PPM1L: variants seen among roughly 807,000 people sequenced by gnomAD.
PPM1L encodes protein phosphatase, Mg2+/Mn2+ dependent 1L.
Under a neutral mutation model 31.4 loss-of-function variants are expected in PPM1L, and 13 were observed. That is an observed-to-expected ratio of 0.41 (90% CI 0.27 to 0.66). The LOEUF is 0.66. Among genes scored for constraint, PPM1L ranks in the 30% least tolerant of loss-of-function variants. PPM1L has a pLI of 0.29. For synonymous variants in PPM1L, 184 were observed against 175.4 expected (o/e 1.05, Z -0.39); for missense variants, 326 against 453.7 (o/e 0.72, Z 2.56).
chr3:160,781,355 A>T (rs1397467390), intron 1 of PPM1L, among the ~76,000 whole-genome samples: 1 of 152,126 alleles, frequency 6.6e-6, no homozygotes, highest in Middle Eastern at 3.2e-3. Flanking sequence ...AGTCCTGCAG[A>T]TTGTTACATT....
intron 2 of PPM1L, among the ~76,000 whole-genome samples, chr3:161,045,362 T>C (rs978666391): frequency 6.6e-6 from 1 of 152,258 alleles, no homozygotes; most frequent in East Asian, 1.9e-4. Context: ...ATTGACCACA[T>C]AGTTGGAAGT....
chr3:160,903,853 TATATA>T (rs1713651402), intron 1 of PPM1L, among the ~76,000 whole-genome samples: 1 of 152,174 alleles, frequency 6.6e-6, no homozygotes, highest in South Asian at 2.1e-4. Context: ...TATGGATAGA[TATATA>T]ATACTGTAAA....
intron 1 of PPM1L, among the ~76,000 whole-genome samples, chr3:160,760,385 A>G (rs1247068942): frequency 6.6e-6 from 1 of 152,172 alleles, no homozygotes. Flanking sequence ...TGGACTTTTT[A>G]TGCTGAGGAC....
At chr3:161,066,412 A>G (rs1436629265) in intron 3 of PPM1L, among the ~76,000 whole-genome samples, 1 of 152,182 alleles carries the variant, frequency 6.6e-6, no homozygotes, top group Non-Finnish European at 1.5e-5. Flanking sequence ...AGTCATTCAT[A>G]TAGTATATTA....
Position 161,069,545 on chromosome 3 carries a change from A to G in PPM1L, c.*388A>G, listed in dbSNP as rs910573639. 2 of 203,600 alleles carry G rather than the reference A, an allele frequency of 9.8e-6. No homozygotes were observed. Among genetic ancestry groups the G allele is most frequent in the South Asian group, 1.6e-4 (2 of 12,356 alleles). 12.6% of individuals were successfully genotyped at this position (203,600 alleles called of 1,614,324 possible). On this transcript the variant is annotated 3_prime_UTR_variant, in exon 4 of 4. Coordinates refer to ENST00000498165, the MANE Select transcript of PPM1L (RefSeq NM_139245.4). ...CTCTCTTTGTAACAGTGGACAGGAC[A>G]GACCACCCAGTGCTGCAGGAGACAG...
At position 160,953,182 on chromosome 3, in the gene PPM1L, C is replaced by A. The variant is rs113994499; in HGVS notation, c.400-8554C>A. 6.4e-3 allele frequency among the ~76,000 whole-genome samples: 976 copies of A among 152,200 alleles called. 10 individuals are homozygous for A. The highest frequency in any genetic ancestry group is 0.022 in the African/African-American group (930 of 41,522). On this transcript the variant is annotated intron_variant, in intron 1 of 3. Transcript: ENST00000498165. ...CCAACATTTACAACATACTTCATTACAAAGTTAATGATAAATCCATTTCTT... is the reference window on the plus strand; with the variant it reads ...CCAACATTTACAACATACTTCATTAAAAAGTTAATGATAAATCCATTTCTT...
intron 2 of PPM1L, among the ~76,000 whole-genome samples, chr3:161,032,312 G>A (rs1297297953): frequency 6.6e-6 from 1 of 152,122 alleles, no homozygotes; most frequent in Non-Finnish European, 1.5e-5. Flanking sequence ...AATAATTTGT[G>A]AATACTCAAA....
At chr3:160,909,057 C>G (rs775261441) in intron 1 of PPM1L, among the ~76,000 whole-genome samples, 1 of 152,140 alleles carries the variant, frequency 6.6e-6, no homozygotes, top group Non-Finnish European at 1.5e-5. Context: ...CAAGAGAGAA[C>G]AGGGCTAAAT....
intron 1 of PPM1L, among the ~76,000 whole-genome samples, chr3:160,853,959 A>G (rs531246082): frequency 6.6e-6 from 1 of 152,276 alleles, no homozygotes; most frequent in African/African-American, 2.4e-5. Flanking sequence ...TCCCTACACA[A>G]GTAGGTACTT....
intron 1 of PPM1L, among the ~76,000 whole-genome samples, chr3:160,879,246 G>T (rs1434623313): frequency 6.6e-6 from 1 of 152,042 alleles, no homozygotes; most frequent in Non-Finnish European, 1.5e-5. Context: ...AAGTCACCAA[G>T]CATTTGGGGG....
chr3:160,915,343 A>C (rs1263549664), intron 1 of PPM1L, among the ~76,000 whole-genome samples: 1 of 152,172 alleles, frequency 6.6e-6, no homozygotes, highest in Non-Finnish European at 1.5e-5. Flanking sequence ...TAGGAATCCA[A>C]CTTACAAGGG....
chr3:160,945,871 A>G (rs1044359740), intron 1 of PPM1L, among the ~76,000 whole-genome samples: 2 of 151,992 alleles, frequency 1.3e-5, no homozygotes, highest in Non-Finnish European at 2.9e-5. Context: ...TTTCCTTATG[A>G]TTTTCTTAAT....
At chr3:161,008,508 G>A (rs949398460) in intron 2 of PPM1L, among the ~76,000 whole-genome samples, 8 of 152,190 alleles carry the variant, frequency 5.3e-5, no homozygotes, top group African/African-American at 1.9e-4. Context: ...GGACATTTAT[G>A]TGCCTTTTCT....
intron 1 of PPM1L, among the ~76,000 whole-genome samples, chr3:160,787,889 A>G (rs1373299339): frequency 1.3e-5 from 2 of 151,858 alleles, no homozygotes; most frequent in Admixed American, 1.3e-4. Flanking sequence ...CTCATTGCTT[A>G]TGATTGTTGG....
At chr3:160,935,924 G>A (rs1344900748) in intron 1 of PPM1L, among the ~76,000 whole-genome samples, 1 of 152,138 alleles carries the variant, frequency 6.6e-6, no homozygotes, top group East Asian at 1.9e-4. Flanking sequence ...TGGTCTCTCA[G>A]GCCTGCATCT....
chr3:160,774,612 A>T (rs574585043), intron 1 of PPM1L, among the ~76,000 whole-genome samples: 1 of 152,210 alleles, frequency 6.6e-6, no homozygotes, highest in Admixed American at 6.5e-5. Context: ...TTGTTTGCCT[A>T]TGCAAAAGTC....
At chr3:160,952,709 G>A (rs1330865929) in intron 1 of PPM1L, among the ~76,000 whole-genome samples, 1 of 152,188 alleles carries the variant, frequency 6.6e-6, no homozygotes, top group African/African-American at 2.4e-5. Flanking sequence ...CTGTTGACAT[G>A]AGTGCAAAGA....
At chr3:160,881,651 T>A (rs1040937365) in intron 1 of PPM1L, among the ~76,000 whole-genome samples, 3 of 152,234 alleles carry the variant, frequency 2.0e-5, no homozygotes, top group Non-Finnish European at 2.9e-5. Flanking sequence ...TAAAAATATT[T>A]ATTTCTTCTA....
At chr3:160,965,631 C>T (rs1716116857) in intron 2 of PPM1L, among the ~76,000 whole-genome samples, 1 of 152,092 alleles carries the variant, frequency 6.6e-6, no homozygotes, top group Non-Finnish European at 1.5e-5. Flanking sequence ...TTTCAATTTA[C>T]AGTGGGTTTA....
Sources: gnomAD v4.1 joint callset for allele counts (sites outside exome capture counted in the v4.1 genomes callset) on GRCh38, gnomAD v4.1.1 for gene constraint, MANE v1.5 for transcripts, NCBI Gene and HGNC (gene_info 2026-07-23, HGNC 2026-07-21) for gene names.